The following DOP1B variants were observed in gnomAD, a reference collection of about 807,000 sequenced individuals.
The protein encoded by DOP1B is protein DOP1B.
A neutral mutation model predicts 233.5 loss-of-function variants in DOP1B; 174 were observed. The ratio of observed to expected loss-of-function variants is 0.75; its 90% CI spans 0.66 to 0.85. DOP1B has a LOEUF of 0.85. DOP1B is among the 40% of genes least tolerant of loss of function. The pLI is 0.00. For missense variants in DOP1B, 2,652 were observed against 2,846.6 expected (o/e 0.93, Z 1.56); for synonymous variants, 1,190 against 1,185.6 (o/e 1.00, Z -0.08).
Position 36,231,147 on chromosome 21 carries a change from C to A in DOP1B, c.2350+13C>A. ...TTCCAGCTGCCAGGTGAGAGGCAGC[C>A]CTGCCGAAGTCCCTCTTTGGGAATC... On this transcript the variant is annotated intron_variant, in intron 14 of 36. Coordinates refer to ENST00000691173, the MANE Select transcript of DOP1B (RefSeq NM_001320714.2). The A allele has an allele frequency of 1.3e-6, 2 of 1,561,938 alleles. No homozygotes were observed. Among genetic ancestry groups the A allele is most frequent in the Non-Finnish European group, 1.7e-6 (2 of 1,151,220 alleles).
chr21:36,181,740 G>C (rs1479626309), intron 2 of DOP1B, among the ~76,000 whole-genome samples: 1 of 152,208 alleles, frequency 6.6e-6, no homozygotes, highest in Non-Finnish European at 1.5e-5. Flanking sequence ...CTCCCAGGGA[G>C]ACTGGGCAGC....
intron 33 of DOP1B, 130 bp from the exon 34 acceptor site, chr21:36,288,625 TG>T: frequency 1.4e-6 from 1 of 698,300 alleles, no homozygotes; most frequent in Non-Finnish European, 2.4e-6. Context: ...CACTCCAGAC[TG>T]GGTGACAGAG....
At chr21:36,211,877 T>G in intron 6 of DOP1B, 97 bp from the exon 7 acceptor site, 3 of 1,560,990 alleles carry the variant, frequency 1.9e-6, no homozygotes, top group Non-Finnish European at 2.6e-6. Flanking sequence ...CATTTTGAGA[T>G]AGAGCTTTGC....
intron 20 of DOP1B, 149 bp downstream of exon 20, chr21:36,247,777 A>C: frequency 3.4e-6 from 2 of 593,414 alleles, no homozygotes; most frequent in Non-Finnish European, 5.7e-6. Context: ...CAAATATTAC[A>C]TAAGTCACGT....
chr21:36,292,463 T>C (rs2067571278), intron 36 of DOP1B, among the ~76,000 whole-genome samples: 1 of 151,930 alleles, frequency 6.6e-6, no homozygotes, highest in African/African-American at 2.4e-5. Flanking sequence ...CTCACTCTGT[T>C]GCCCAGGCTA....
At chr21:36,171,598 A>T (rs994551673) in intron 2 of DOP1B, among the ~76,000 whole-genome samples, 4 of 152,200 alleles carry the variant, frequency 2.6e-5, no homozygotes, top group African/African-American at 9.6e-5. Flanking sequence ...GACCAGAAAG[A>T]TGCATCTACA....
chr21:36,230,708 A>G lies in DOP1B; in HGVS notation c.1924A>G (p.Ile642Val). 2 of 1,614,194 alleles carry G rather than the reference A, an allele frequency of 1.2e-6. No homozygotes were observed. Among genetic ancestry groups the G allele is most frequent in the African/African-American group, 1.3e-5 (1 of 75,042 alleles). The change falls in exon 14 of 37, where the codon ATT (isoleucine) becomes GTT (valine). Residue 642 changes from isoleucine (I) to valine (V), a missense_variant. Ile to Val is a conservative substitution (Grantham distance 29). Transcript: ENST00000691173. ...AATCGCCAACTTTGCCAGCAAGAAC[A>G]TTTTTGGAGTACAGCTGACAGCGTC... ...ELIANFASKN[I>V]FGVQLTASGE...
rs1299930942 is a variant in DOP1B, at chr21:36,245,264, T to C, written c.3284T>C (p.Leu1095Pro). The C allele has an allele frequency of 6.2e-7, 1 of 1,613,930 alleles. No homozygotes were observed. Among genetic ancestry groups the C allele is most frequent in the Non-Finnish European group, 8.5e-7 (1 of 1,180,032 alleles). ...SEEELPYYVELPDRTAHGAPD... is the reference protein window; with the variant it reads ...SEEELPYYVEPPDRTAHGAPD... ...GAAGAGCTGCCCTACTACGTGGAGC[T>C]TCCAGACAGGACGGCCCACGGCGCC... is the stretch of plus-strand genomic sequence containing the variant. The change falls in exon 19 of 37, where the codon CTT (leucine) becomes CCT (proline). Residue 1095 changes from leucine to proline, a missense_variant. Leu to Pro is a moderately conservative substitution (Grantham distance 98). Around this residue, in one of 3 missense-constraint regions of DOP1B, gnomAD observed 2,617 missense variants for 2,794.3 expected, o/e 0.94. Transcript: ENST00000691173. The surrounding 1 kb of genome is among the most constrained non-coding windows in gnomAD (Gnocchi z 5.5).
At chr21:36,279,327 A>T (rs1476482782) in intron 30 of DOP1B, among the ~76,000 whole-genome samples, 1 of 151,928 alleles carries the variant, frequency 6.6e-6, no homozygotes, top group Non-Finnish European at 1.5e-5. Context: ...CTGAGGCAGG[A>T]GGATCGCTTG....
At chr21:36,181,606 G>A (rs1166293805) in intron 2 of DOP1B, among the ~76,000 whole-genome samples, 1 of 152,152 alleles carries the variant, frequency 6.6e-6, no homozygotes, top group Non-Finnish European at 1.5e-5. Context: ...TGAACACGTG[G>A]CTTTCACAGT....
At chr21:36,185,943 C>T (rs566413112) in intron 2 of DOP1B, among the ~76,000 whole-genome samples, 1 of 152,224 alleles carries the variant, frequency 6.6e-6, no homozygotes, top group South Asian at 2.1e-4. Context: ...TGGCTCACAC[C>T]TGTAATCCCA....
At chr21:36,213,272 C>T (rs577825559) in intron 7 of DOP1B, among the ~76,000 whole-genome samples, 2 of 152,272 alleles carry the variant, frequency 1.3e-5, no homozygotes, top group Middle Eastern at 3.4e-3. Context: ...TCTGCTCCTA[C>T]GGGACTTGAT....
chr21:36,246,575 A>G lies in DOP1B; in HGVS notation c.4595A>G (p.Lys1532Arg). The change falls in exon 19 of 37, where the codon AAG (lysine) becomes AGG (arginine). Residue 1532 changes from lysine to arginine, a missense_variant. Physicochemically the swap from Lys to Arg is conservative, Grantham distance 26. Around this residue, in one of 3 missense-constraint regions of DOP1B, gnomAD observed 2,617 missense variants for 2,794.3 expected, o/e 0.94. Transcript: ENST00000691173. This position sits in a 1 kb window ranked among gnomAD's most constrained non-coding sequence, Gnocchi z 5.1. ...ACGCATTCCTTGCCCTACTTCGGAA[A>G]GTCCCTGGGCTGGACGGTGACACCC... ...LVTHSLPYFGKSLGWTVTPFV... is the reference protein window; with the variant it reads ...LVTHSLPYFGRSLGWTVTPFV... The G allele has an allele frequency of 6.2e-7, 1 of 1,614,168 alleles. No homozygotes were observed. The highest frequency in any genetic ancestry group is 8.5e-7 in the Non-Finnish European group (1 of 1,180,036).
intron 23 of DOP1B, among the ~76,000 whole-genome samples, chr21:36,256,724 A>G (rs147773499): frequency 6.6e-6 from 1 of 152,106 alleles, no homozygotes; most frequent in Non-Finnish European, 1.5e-5. Flanking sequence ...GTTGAATGAA[A>G]TAAGCCAGTC....
At chr21:36,161,449 T>G (rs2065868756) in intron 1 of DOP1B, among the ~76,000 whole-genome samples, 1 of 152,194 alleles carries the variant, frequency 6.6e-6, no homozygotes, top group South Asian at 2.1e-4. Context: ...GTTTTATTTT[T>G]TTTAACAGCT....
chr21:36,169,683 G>A, intron 2 of DOP1B: 1 of 889,280 alleles, frequency 1.1e-6, no homozygotes, highest in East Asian at 2.4e-5. Flanking sequence ...AGGCGCGTCT[G>A]GGTGTGGGCA....
At chr21:36,193,765 A>G (rs2066259273) in intron 2 of DOP1B, among the ~76,000 whole-genome samples, 1 of 152,188 alleles carries the variant, frequency 6.6e-6, no homozygotes, top group African/African-American at 2.4e-5. Context: ...GGGAACCTCC[A>G]TGGTGGCCTT....
In DOP1B at chr21:36,245,058, C is replaced by G; in HGVS notation, c.3078C>G (p.His1026Gln). 1 of 1,594,528 alleles carries G rather than the reference C, an allele frequency of 6.3e-7. No homozygotes were observed. The highest frequency in any genetic ancestry group is 1.3e-5 in the African/African-American group (1 of 74,658). ...TCTTGTAATTTTCAGATGACTTGCA[C>G]CGTTGGTTTAACAGGAAGAAAACCT... ...LKQENSADDL[H>Q]RWFNRKKTSF... Residue 1026 changes from histidine (H) to glutamine (Q), a missense_variant, in exon 19 of 37, where the codon CAC (histidine) becomes CAG (glutamine). Transcript: ENST00000691173. This position sits in a 1 kb window ranked among gnomAD's most constrained non-coding sequence, Gnocchi z 5.5.
intron 1 of DOP1B, among the ~76,000 whole-genome samples, chr21:36,157,575 G>A (rs1202896902): frequency 6.6e-6 from 1 of 151,906 alleles, no homozygotes; most frequent in Non-Finnish European, 1.5e-5. Context: ...CAATTGGGAA[G>A]ACTTTGCTAG....
Sources: allele counts gnomAD v4.1 joint callset (sites outside exome capture counted in the v4.1 genomes callset), GRCh38; gene constraint gnomAD v4.1.1; regional missense constraint gnomAD v4.1.1; non-coding constraint Gnocchi (gnomAD v3.1); transcripts MANE v1.5; gene names NCBI Gene and HGNC (gene_info 2026-07-23, HGNC 2026-07-21).